LRP1B: variants seen among roughly 807,000 people sequenced by gnomAD.
LRP1B encodes the protein LDL receptor related protein 1B, also known as low-density lipoprotein receptor-related protein 1B.
Under a neutral mutation model 556.6 loss-of-function variants are expected in LRP1B, and 217 were observed. The ratio of observed to expected loss-of-function variants is 0.39; its 90% CI spans 0.35 to 0.44. The LOEUF (loss-of-function observed/expected upper bound fraction) is 0.44. Ranked by LOEUF, LRP1B falls within the 20% of genes least tolerant of loss-of-function variation. The pLI, the probability that LRP1B is intolerant of heterozygous loss-of-function variation, is 1.00. For synonymous variants in LRP1B, 2,047 were observed against 1,865.8 expected, an observed-to-expected ratio of 1.10 and a Z score of -2.50; for missense variants, 5,053 against 5,620.8, an observed-to-expected ratio of 0.90 and a Z score of 3.23.
chr2:142,101,057 C>T (rs1403734139), intron 1 of LRP1B, among the ~76,000 whole-genome samples: 1 of 151,900 alleles, frequency 6.6e-6, no homozygotes, highest in Non-Finnish European at 1.5e-5. Flanking sequence ...GAGCTCTCCC[C>T]ACTTGCTGTT....
chr2:141,177,730 T>C (rs139583328), intron 7 of LRP1B, among the ~76,000 whole-genome samples: 2,403 of 152,232 alleles, frequency 0.016, 24 homozygotes, highest in Middle Eastern at 0.041. Context: ...ACTTTTCTAA[T>C]AGTTCCAATA....
At chr2:141,975,378 G>T (rs1434392422) in intron 1 of LRP1B, among the ~76,000 whole-genome samples, 1 of 151,928 alleles carries the variant, frequency 6.6e-6, no homozygotes, top group African/African-American at 2.4e-5. Flanking sequence ...TTATCTGTTG[G>T]TAAATTAGCC....
Position 140,716,703 on chromosome 2 carries a change from T to G in LRP1B, c.5872A>C (p.Ile1958Leu), listed in dbSNP as rs75892549. The change falls in exon 36 of 91, where the codon ATA (isoleucine) becomes CTA (leucine). Residue 1958 changes from isoleucine (I) to leucine (L), a missense_variant. Ile to Leu is a conservative substitution (Grantham distance 5, BLOSUM62 2). This residue lies in a region of LRP1B where 3,619 missense variants were observed against 3,931.9 expected (regional missense o/e 0.92). Transcript: ENST00000389484. The part of the protein sequence containing the change: ...ITNGLGRVEG[I>L]AVDWIAGNIY... ...ATACCAGCAATCCAGTCAACAGCTATCCCTTCCACTCTTCCCAAGCCATTG... is the reference window on the plus strand; with the variant it reads ...ATACCAGCAATCCAGTCAACAGCTAGCCCTTCCACTCTTCCCAAGCCATTG... The G allele has an allele frequency of 6.2e-7, 1 of 1,610,936 alleles. No homozygotes were observed. Among genetic ancestry groups the G allele is most frequent in the East Asian group, 2.2e-5 (1 of 44,718 alleles).
At chr2:141,488,031 A>T (rs1021065329) in intron 2 of LRP1B, among the ~76,000 whole-genome samples, 7 of 152,182 alleles carry the variant, frequency 4.6e-5, no homozygotes, top group African/African-American at 1.7e-4. Flanking sequence ...TTTTTTGTGG[A>T]TGTCATTGCT....
intron 48 of LRP1B, 48 bp from the exon 49 acceptor site, chr2:140,526,041 T>C: frequency 1.9e-6 from 3 of 1,582,112 alleles, no homozygotes; most frequent in East Asian, 2.3e-5. Flanking sequence ...TTTTCAAAGA[T>C]TATGAGCCTT....
chr2:141,440,587 A>T (rs1348574316), intron 3 of LRP1B, among the ~76,000 whole-genome samples: 1 of 152,148 alleles, frequency 6.6e-6, no homozygotes, highest in East Asian at 1.9e-4. Context: ...TTTCAACCTA[A>T]CATTGCTGTA....
rs140447933 is a variant in LRP1B, at chr2:140,512,724, T to G, written c.8269+1929A>C. Among the ~76,000 whole-genome samples, 471 of 152,282 alleles carry G rather than the reference T, an allele frequency of 3.1e-3. 1 individual carries two copies. Among genetic ancestry groups the G allele is most frequent in the African/African-American group, 0.011 (457 of 41,574 alleles). ...ACTATGTGCATATCAATAAAGAATG[T>G]GTTTACATCCTGCATCAGAATATTT... On this transcript the variant is annotated intron_variant, in intron 51 of 90. Coordinates refer to ENST00000389484, the MANE Select transcript of LRP1B (RefSeq NM_018557.3).
intron 3 of LRP1B, among the ~76,000 whole-genome samples, chr2:141,314,826 A>ATATATATATATATG (rs1323342015): frequency 8.4e-6 from 1 of 119,160 alleles, no homozygotes; most frequent in Non-Finnish European, 1.8e-5. Flanking sequence ...ATATATATAT[A>ATATATATATATATG]TGTGTATATA....
At chr2:140,861,489 A>G (rs1573814366) in intron 27 of LRP1B, among the ~76,000 whole-genome samples, 1 of 152,312 alleles carries the variant, frequency 6.6e-6, no homozygotes, top group East Asian at 1.9e-4. Flanking sequence ...ACAAACAAAT[A>G]CTAATGTAGA....
intron 11 of LRP1B, among the ~76,000 whole-genome samples, chr2:141,041,030 T>C (rs1256032087): frequency 1.3e-5 from 2 of 152,086 alleles, no homozygotes; most frequent in Admixed American, 1.3e-4. Flanking sequence ...TCCTAAAAAG[T>C]ACCTTCATTT....
intron 20 of LRP1B, among the ~76,000 whole-genome samples, chr2:140,934,963 T>C (rs936164899): frequency 6.6e-6 from 1 of 152,090 alleles, no homozygotes; most frequent in Non-Finnish European, 1.5e-5. Context: ...AGTCACAGGC[T>C]AAGAAAGACC....
intron 1 of LRP1B, among the ~76,000 whole-genome samples, chr2:141,845,487 A>T (rs1188857786): frequency 6.6e-6 from 1 of 151,998 alleles, no homozygotes; most frequent in Non-Finnish European, 1.5e-5. Flanking sequence ...ATATATATGA[A>T]AATATCAGCT....
chr2:141,005,604 T>C, intron 14 of LRP1B, 147 bp from the exon 15 acceptor site: 1 of 620,932 alleles, frequency 1.6e-6, no homozygotes, highest in Non-Finnish European at 2.4e-6. Context: ...GAATCATAAC[T>C]AAATTCAATA....
chr2:141,039,170 C>G lies in LRP1B; in HGVS notation c.1789+9816G>C, dbSNP rs574523716. Among the ~76,000 whole-genome samples, 7 of 152,198 alleles carry G rather than the reference C, an allele frequency of 4.6e-5. No homozygotes were observed. The South Asian group carries it at 1.4e-3, about 32-fold the overall frequency. On this transcript the variant is annotated intron_variant, in intron 11 of 90. Coordinates refer to ENST00000389484, the MANE Select transcript of LRP1B (RefSeq NM_018557.3). The stretch of plus-strand genomic sequence containing the variant: ...CATTCCTTCATCCTGCATATCCACA[C>G]TCTATGTTACCTATCTGTTATTCAC...
At chr2:141,914,773 C>T (rs749392001) in intron 1 of LRP1B, among the ~76,000 whole-genome samples, 3 of 152,076 alleles carry the variant, frequency 2.0e-5, no homozygotes, top group Non-Finnish European at 4.4e-5. Flanking sequence ...ACCGCACACA[C>T]CTAGGAATAC....
chr2:141,678,504 T>C (rs1229369120), intron 2 of LRP1B, among the ~76,000 whole-genome samples: 1 of 152,174 alleles, frequency 6.6e-6, no homozygotes, highest in South Asian at 2.1e-4. Flanking sequence ...TTCATCGAAT[T>C]TGACAATATG....
At chr2:140,905,671 T>C (rs1436230543) in intron 22 of LRP1B, among the ~76,000 whole-genome samples, 4 of 152,066 alleles carry the variant, frequency 2.6e-5, no homozygotes, top group African/African-American at 9.7e-5. Flanking sequence ...CGTAATCTTG[T>C]GGAGCAGCCC....
At chr2:140,631,842 A>T (rs569109389) in intron 41 of LRP1B, among the ~76,000 whole-genome samples, 1 of 152,188 alleles carries the variant, frequency 6.6e-6, no homozygotes, top group Non-Finnish European at 1.5e-5. Context: ...ACAATAAGAC[A>T]TATCATATTC....
At chr2:141,523,749 A>G (rs1466224745) in intron 2 of LRP1B, among the ~76,000 whole-genome samples, 1 of 151,968 alleles carries the variant, frequency 6.6e-6, no homozygotes, top group East Asian at 1.9e-4. Context: ...TGCCCAGAAA[A>G]GCAGAAGGAC....
Sources: allele counts gnomAD v4.1 joint callset (sites outside exome capture counted in the v4.1 genomes callset), GRCh38; gene constraint gnomAD v4.1.1; regional missense constraint gnomAD v4.1.1; transcripts MANE v1.5; gene names NCBI Gene and HGNC (gene_info 2026-07-23, HGNC 2026-07-21).